Variants in HS3ST4 observed in about 807,000 individuals in gnomAD.
HS3ST4 encodes heparan sulfate-glucosamine 3-sulfotransferase 4.
In HS3ST4, 17 loss-of-function variants were observed where a neutral mutation model predicts 29.2. The ratio of observed to expected loss-of-function variants is 0.58; its 90% CI spans 0.40 to 0.87. The LOEUF is 0.87. Ranked by LOEUF, HS3ST4 falls within the 40% of genes least tolerant of loss-of-function variation. The pLI, the probability that HS3ST4 is intolerant of heterozygous loss-of-function variation, is 0.00. For missense variants in HS3ST4, 627 were observed against 634.5 expected (o/e 0.99, Z 0.13); for synonymous variants, 314 against 285.7 (o/e 1.10, Z -1.00).
chr16:26,031,626 G>A (rs1020823772), intron 1 of HS3ST4, among the ~76,000 whole-genome samples: 2 of 151,636 alleles, frequency 1.3e-5, no homozygotes, highest in Non-Finnish European at 2.9e-5. Context: ...AGGGAAGAAG[G>A]ATCATTTAGA....
intron 1 of HS3ST4, among the ~76,000 whole-genome samples, chr16:26,024,015 G>A (rs543208811): frequency 2.6e-5 from 4 of 151,956 alleles, no homozygotes; most frequent in South Asian, 2.1e-4. Context: ...ACTTGAGATC[G>A]GGAGTTTGAG....
At chr16:25,911,565 T>A (rs1290844646) in intron 1 of HS3ST4, among the ~76,000 whole-genome samples, 2 of 145,128 alleles carry the variant, frequency 1.4e-5, no homozygotes, top group African/African-American at 2.5e-5. Flanking sequence ...GGAGTGCAGT[T>A]GTGCAATCAT....
chr16:25,782,090 CCTT>C (rs1291264364), intron 1 of HS3ST4, among the ~76,000 whole-genome samples: 1 of 152,118 alleles, frequency 6.6e-6, no homozygotes, highest in African/African-American at 2.4e-5. Context: ...AAGCAAGACA[CCTT>C]CTTCACAAGG....
chr16:25,734,495 G>C (rs929875186), intron 1 of HS3ST4, among the ~76,000 whole-genome samples: 2 of 152,156 alleles, frequency 1.3e-5, no homozygotes, highest in Non-Finnish European at 2.9e-5. Context: ...CTCCAGGGTT[G>C]TCTACCATAA....
At chr16:25,991,626 T>C (rs1969114274) in intron 1 of HS3ST4, among the ~76,000 whole-genome samples, 1 of 152,214 alleles carries the variant, frequency 6.6e-6, no homozygotes, top group Admixed American at 6.5e-5. Flanking sequence ...GAGCACCAAG[T>C]GGGCACTAGG....
At chr16:25,914,473 G>A (rs1403155859) in intron 1 of HS3ST4, among the ~76,000 whole-genome samples, 1 of 151,496 alleles carries the variant, frequency 6.6e-6, no homozygotes, top group Non-Finnish European at 1.5e-5. Context: ...TCATGTTAGT[G>A]GGGTGTGTAA....
rs141158909 is a variant in HS3ST4 at position 26,093,047 on chromosome 16, A to C, written c.735-42565A>C. 3.3e-3 allele frequency among the ~76,000 whole-genome samples: 509 copies of C among 152,296 alleles called. 5 individuals carry two copies. The highest frequency in any genetic ancestry group is 0.012 in the African/African-American group (486 of 41,574). ...CAGCCTGGCCGGGAGAGGGGTGTCCATCATTGCTGAGGCTTGAGTAGGTAA... is the reference window on the plus strand; with the variant it reads ...CAGCCTGGCCGGGAGAGGGGTGTCCCTCATTGCTGAGGCTTGAGTAGGTAA... On this transcript the variant is annotated intron_variant, in intron 1 of 1. Transcript: ENST00000331351.
At chr16:25,712,726 T>A (rs1264654068) in intron 1 of HS3ST4, among the ~76,000 whole-genome samples, 2 of 151,958 alleles carry the variant, frequency 1.3e-5, no homozygotes, top group Non-Finnish European at 2.9e-5. Flanking sequence ...GATTGATGGA[T>A]TTGCACAGAG....
intron 1 of HS3ST4, among the ~76,000 whole-genome samples, chr16:25,756,144 A>ACGCG (rs1966756904): frequency 4.4e-5 from 4 of 91,268 alleles, no homozygotes; most frequent in Admixed American, 2.5e-4. Context: ...ACACACACAC[A>ACGCG]CACACACACG....
At chr16:25,921,161 G>T (rs1466812257) in intron 1 of HS3ST4, among the ~76,000 whole-genome samples, 2 of 152,120 alleles carry the variant, frequency 1.3e-5, no homozygotes, top group Non-Finnish European at 2.9e-5. Context: ...CCAGAATGGG[G>T]CTCCATGCAT....
At chr16:26,049,350 TC>T (rs1898307864) in intron 1 of HS3ST4, among the ~76,000 whole-genome samples, 1 of 147,054 alleles carries the variant, frequency 6.8e-6, no homozygotes, top group Non-Finnish European at 1.5e-5. Flanking sequence ...CATCCGGAGG[TC>T]TACATCCGGA....
intron 1 of HS3ST4, among the ~76,000 whole-genome samples, chr16:25,897,208 AC>A (rs1230874396): frequency 6.6e-6 from 1 of 152,198 alleles, no homozygotes; most frequent in Non-Finnish European, 1.5e-5. Context: ...TAATCCCAGC[AC>A]TTTGGAAGGC....
At chr16:25,934,054 G>A (rs553200106) in intron 1 of HS3ST4, among the ~76,000 whole-genome samples, 1 of 152,162 alleles carries the variant, frequency 6.6e-6, no homozygotes, top group East Asian at 1.9e-4. Context: ...GTCCTGAGAC[G>A]CCTTTCAACC....
chr16:26,006,300 G>GGAA (rs1969257637), intron 1 of HS3ST4, among the ~76,000 whole-genome samples: 1 of 68,670 alleles, frequency 1.5e-5, no homozygotes, highest in African/African-American at 6.1e-5. Flanking sequence ...CTCTGTTTCA[G>GGAA]AAAAAAAAAA....
At chr16:25,710,808 C>CT (rs34759495) in intron 1 of HS3ST4, among the ~76,000 whole-genome samples, 27,674 of 48,536 alleles carry the variant, frequency 0.57, 9,892 homozygotes, top group Admixed American at 0.67. Flanking sequence ...GCATATTATC[C>CT]TTTTTTTTTT....
intron 1 of HS3ST4, among the ~76,000 whole-genome samples, chr16:25,797,308 A>T (rs1966892092): frequency 6.6e-6 from 1 of 152,230 alleles, no homozygotes. Context: ...TGATAGGATG[A>T]TTAGGTATTT....
At chr16:26,014,007 A>AAAT (rs1555478285) in intron 1 of HS3ST4, among the ~76,000 whole-genome samples, 1 of 145,592 alleles carries the variant, frequency 6.9e-6, no homozygotes, top group East Asian at 2.0e-4. Flanking sequence ...ACTCTGTCTC[A>AAAT]AAATAAATAA....
intron 1 of HS3ST4, among the ~76,000 whole-genome samples, chr16:25,746,742 G>A (rs113252332): frequency 0.12 from 17,572 of 151,670 alleles, 1,070 homozygotes; most frequent in Middle Eastern, 0.14. Flanking sequence ...TAGTAGAGAC[G>A]GGGTTTCACC....
rs183319588 is a variant in HS3ST4 at position 25,702,165 on chromosome 16, G to A, written c.734+9014G>A. On this transcript the variant is annotated intron_variant, in intron 1 of 1. Coordinates refer to ENST00000331351, the MANE Select transcript of HS3ST4 (RefSeq NM_006040.3). ...ATTAGAAAAACAAAAGGAGAAAGGG[G>A]GGAGGTAGAATTATTACTATTTGCA... is the stretch of plus-strand genomic sequence containing the variant. Among the ~76,000 whole-genome samples the A allele has an allele frequency of 8.8e-4, 134 of 152,270 alleles. 1 individual carries two copies. The highest frequency in any genetic ancestry group is 3.1e-3 in the African/African-American group (129 of 41,554).
Sources: allele counts gnomAD v4.1 joint callset (sites outside exome capture counted in the v4.1 genomes callset), GRCh38; gene constraint gnomAD v4.1.1; transcripts MANE v1.5; gene names NCBI Gene and HGNC (gene_info 2026-07-23, HGNC 2026-07-21).